The following IL1RL2 variants were observed in gnomAD, a reference collection of about 807,000 sequenced individuals.
IL1RL2 encodes interleukin-1 receptor-like 2.
Under a neutral mutation model 66.8 loss-of-function variants are expected in IL1RL2, and 68 were observed. The observed-to-expected ratio is 1.02, with a 90% CI of 0.84 to 1.25. IL1RL2 has a LOEUF of 1.25. IL1RL2 is among the 50% of genes most tolerant of loss of function. The pLI is 0.00. For synonymous variants in IL1RL2, 305 were observed against 264.6 expected (o/e 1.15, Z -1.48); for missense variants, 729 against 709.3 (o/e 1.03, Z -0.32).
chr2:102,200,933 T>C lies in IL1RL2; in HGVS notation c.490-623T>C, dbSNP rs187614982. Among the ~76,000 whole-genome samples the C allele has an allele frequency of 6.0e-4, 91 of 152,284 alleles. No individual in the cohort carries two copies. The East Asian group carries it at 0.012, about 20-fold the overall frequency. On this transcript the variant is annotated intron_variant, in intron 4 of 11. Transcript: ENST00000264257. ...AACCTGGCCAGCTTCCTTTGATCAC[T>C]GTTCAGACCTTCAAATTGGATGTTG...
At chr2:102,188,448 C>A (rs1193090676) in intron 2 of IL1RL2, among the ~76,000 whole-genome samples, 1 of 151,646 alleles carries the variant, frequency 6.6e-6, no homozygotes, top group Non-Finnish European at 1.5e-5. Flanking sequence ...ATTAGCCGGG[C>A]GCGGTGGCGG....
chr2:102,240,978 GTGCC>G (rs113785277), downstream of IL1RL2, among the ~76,000 whole-genome samples: 10 of 152,378 alleles, frequency 6.6e-5, 1 homozygote, highest in African/African-American at 2.4e-4. Context: ...AAGGACTTCG[GTGCC>G]TGCCTACGGC....
At chr2:102,200,490 G>C (rs1019152982) in intron 4 of IL1RL2, among the ~76,000 whole-genome samples, 8 of 152,186 alleles carry the variant, frequency 5.3e-5, no homozygotes, top group Non-Finnish European at 1.2e-4. Context: ...TTAGGAGTTT[G>C]CATGTTGATT....
Position 102,219,595 on chromosome 2 carries a change from T to C in IL1RL2, c.855-286T>C, listed in dbSNP as rs546692311. On this transcript the variant is annotated intron_variant, in intron 7 of 11. Coordinates refer to ENST00000264257, the MANE Select transcript of IL1RL2 (RefSeq NM_003854.4). ...AGAGCTTGTGTTGGGCCTCGCAGTA[T>C]GGATAAGTTAGGATACTTGGAGAGG... is the stretch of plus-strand genomic sequence containing the variant. Among the ~76,000 whole-genome samples the C allele has an allele frequency of 6.6e-5, 10 of 152,156 alleles. 2 individuals carry two copies. The highest frequency in any genetic ancestry group is 5.2e-4 in the Admixed American group (8 of 15,274).
At chr2:102,188,959 C>G (rs1169411492) in intron 2 of IL1RL2, 117 bp from the exon 3 acceptor site, 1 of 704,750 alleles carries the variant, frequency 1.4e-6, no homozygotes, top group Non-Finnish European at 2.3e-6. Flanking sequence ...CAAGAAACTC[C>G]CAAATAAAAT....
At chr2:102,195,645 C>CTTTCTTTCTT (rs1262768286) in intron 4 of IL1RL2, among the ~76,000 whole-genome samples, 3 of 20,254 alleles carry the variant, frequency 1.5e-4, no homozygotes, top group African/African-American at 3.4e-4. Flanking sequence ...CTCTCTCTCT[C>CTTTCTTTCTT]TCTTTCTTTC....
intron 6 of IL1RL2, among the ~76,000 whole-genome samples, chr2:102,218,293 A>T (rs1689787832): frequency 6.6e-6 from 1 of 152,194 alleles, no homozygotes; most frequent in South Asian, 2.1e-4. Flanking sequence ...CATTTTTTAA[A>T]AAAATATCAT....
At chr2:102,191,794 T>C (rs1462432010) in intron 3 of IL1RL2, 131 bp from the exon 4 acceptor site, 2 of 619,154 alleles carry the variant, frequency 3.2e-6, no homozygotes, top group African/African-American at 1.9e-5. Context: ...TGTGGATGCT[T>C]AGTGCTTTGT....
chr2:102,233,184 C>T (rs1691296532), intron 10 of IL1RL2, 60 bp downstream of exon 10: 2 of 1,503,708 alleles, frequency 1.3e-6, no homozygotes, highest in Non-Finnish European at 1.8e-6. Context: ...CCCCTCTGTT[C>T]CTCCACTTTA....
At chr2:102,219,850 T>A in intron 7 of IL1RL2, 31 bp from the exon 8 acceptor site, 1 of 1,575,632 alleles carries the variant, frequency 6.3e-7, no homozygotes, top group Non-Finnish European at 8.7e-7. Flanking sequence ...ATCTGACTCA[T>A]GTATTAATGA....
chr2:102,230,644 C>T (rs1398458493), intron 9 of IL1RL2, among the ~76,000 whole-genome samples: 1 of 152,232 alleles, frequency 6.6e-6, no homozygotes, highest in African/African-American at 2.4e-5. Flanking sequence ...TCCACTCTTA[C>T]ACAGCTTCCT....
Position 102,192,129 on chromosome 2 carries a change from G to C in IL1RL2, c.489+9G>C. 1 of 1,529,692 alleles carries C rather than the reference G, an allele frequency of 6.5e-7. No homozygotes were observed. The highest frequency in any genetic ancestry group is 8.8e-7 in the Non-Finnish European group (1 of 1,138,976). The allele number at this position is 1,529,692 out of a possible 1,614,324, so 94.8% of individuals were successfully genotyped here. A position where few individuals can be genotyped will look rare whatever the true frequency, so the allele number is the denominator to read the frequency against. On this transcript the variant is annotated intron_variant, in intron 4 of 11. Transcript: ENST00000264257. ...CAATAAAGTGGTATAAGGTAAAAAAGAATTTTCTTATTGATATTTTTCCTC... is the reference window on the plus strand; with the variant it reads ...CAATAAAGTGGTATAAGGTAAAAAACAATTTTCTTATTGATATTTTTCCTC...
At chr2:102,209,575 G>A (rs1688983037) in intron 5 of IL1RL2, among the ~76,000 whole-genome samples, 1 of 152,112 alleles carries the variant, frequency 6.6e-6, no homozygotes, top group Admixed American at 6.5e-5. Flanking sequence ...ATGTGAGTAT[G>A]GGGTGGGGAG....
At chr2:102,214,318 A>G (rs887875688) in intron 6 of IL1RL2, among the ~76,000 whole-genome samples, 2 of 152,302 alleles carry the variant, frequency 1.3e-5, no homozygotes, top group Admixed American at 1.3e-4. Context: ...AAAAAACTAT[A>G]ATCACTAGCA....
Position 102,198,879 on chromosome 2 carries a change from G to A in IL1RL2, c.490-2677G>A, listed in dbSNP as rs373826785. ...ACTTGGACCTTTCTTCCAATCTCCAGATTTCTTTGTCCAACCGTCTAATGT... is the reference window on the plus strand; with the variant it reads ...ACTTGGACCTTTCTTCCAATCTCCAAATTTCTTTGTCCAACCGTCTAATGT... On this transcript the variant is annotated intron_variant, in intron 4 of 11. Coordinates refer to ENST00000264257, the MANE Select transcript of IL1RL2 (RefSeq NM_003854.4). 5.3e-5 allele frequency among the ~76,000 whole-genome samples: 8 copies of A among 152,168 alleles called. 1 individual carries two copies. In the East Asian group the frequency reaches 1.4e-3, roughly 26 times the overall value.
intron 6 of IL1RL2, among the ~76,000 whole-genome samples, chr2:102,214,012 C>T (rs1689400983): frequency 6.6e-6 from 1 of 152,010 alleles, no homozygotes; most frequent in Admixed American, 6.6e-5. Flanking sequence ...CCTCTAGGCC[C>T]ATATGTTTTT....
chr2:102,228,377 C>G (rs1690822734), intron 9 of IL1RL2, among the ~76,000 whole-genome samples: 1 of 152,192 alleles, frequency 6.6e-6, no homozygotes, highest in Admixed American at 6.5e-5. Context: ...GTCATTTACC[C>G]TGACTAGGTT....
intron 6 of IL1RL2, among the ~76,000 whole-genome samples, chr2:102,213,933 A>G (rs1349207515): frequency 6.6e-6 from 1 of 152,184 alleles, no homozygotes; most frequent in African/African-American, 2.4e-5. Flanking sequence ...ACCCAAATAT[A>G]AAAAAATTAG....
At chr2:102,187,819 C>T (rs754412690) in intron 1 of IL1RL2, 37 bp from the exon 2 acceptor site, 1 of 1,564,236 alleles carries the variant, frequency 6.4e-7, no homozygotes, top group Admixed American at 1.7e-5. Flanking sequence ...CGCCCTACTG[C>T]GTCCTCCCCT....
Sources: gnomAD v4.1 joint callset for allele counts (sites outside exome capture counted in the v4.1 genomes callset) on GRCh38, gnomAD v4.1.1 for gene constraint, MANE v1.5 for transcripts, NCBI Gene and HGNC (gene_info 2026-07-23, HGNC 2026-07-21) for gene names.